Variants in CLNK observed in about 807,000 individuals in gnomAD.
CLNK encodes the protein cytokine dependent hematopoietic cell linker.
A neutral mutation model predicts 68.6 loss-of-function variants in CLNK; 74 were observed. The observed-to-expected ratio is 1.08, with a 90% CI of 0.89 to 1.31. The LOEUF (loss-of-function observed/expected upper bound fraction) is 1.31. CLNK is among the 50% of genes most tolerant of loss of function. The probability of loss-of-function intolerance (pLI) is 0.00; values close to 1 mark genes in which losing one functional copy is unlikely to be tolerated. For synonymous variants in CLNK, 198 were observed against 172.2 expected, an observed-to-expected ratio of 1.15 and a Z score of -1.17; for missense variants, 553 against 515.3, an observed-to-expected ratio of 1.07 and a Z score of -0.71.
At chr4:10,656,853 TA>T (rs1724009586) in intron 2 of CLNK, among the ~76,000 whole-genome samples, 2 of 152,120 alleles carry the variant, frequency 1.3e-5, no homozygotes, top group South Asian at 2.1e-4. Flanking sequence ...TATATGCACA[TA>T]AAAATATTAT....
At chr4:10,617,632 A>G (rs545426476) in intron 2 of CLNK, among the ~76,000 whole-genome samples, 1 of 152,350 alleles carries the variant, frequency 6.6e-6, no homozygotes, top group East Asian at 1.9e-4. Context: ...GGCTTTAGCT[A>G]GTGATCCATG....
the CLNK span, among the ~76,000 whole-genome samples, chr4:10,706,955 A>T: frequency 6.6e-6 from 1 of 152,102 alleles, no homozygotes; most frequent in African/African-American, 2.4e-5. Context: ...TTTAGGCATG[A>T]CTTTTTAGTA....
intron 2 of CLNK, among the ~76,000 whole-genome samples, chr4:10,654,370 A>G (rs1466471559): frequency 2.1e-5 from 2 of 97,540 alleles, no homozygotes; most frequent in Non-Finnish European, 5.0e-5. Context: ...ATATAGATAA[A>G]TATATATTGA....
intron 18 of CLNK, among the ~76,000 whole-genome samples, chr4:10,496,105 G>C (rs920004993): frequency 2.4e-4 from 37 of 152,164 alleles, no homozygotes; most frequent in African/African-American, 7.5e-4. Flanking sequence ...CTATGTGTCT[G>C]CCACTATTTA....
At chr4:10,555,400 A>G (rs1242261554) in intron 8 of CLNK, among the ~76,000 whole-genome samples, 1 of 152,186 alleles carries the variant, frequency 6.6e-6, no homozygotes, top group Non-Finnish European at 1.5e-5. Context: ...CTGTATTTGA[A>G]AATTATAGCT....
chr4:10,702,858 C>A, the CLNK span, among the ~76,000 whole-genome samples: 1 of 152,138 alleles, frequency 6.6e-6, no homozygotes, highest in East Asian at 1.9e-4. Context: ...ATAAGAGCTG[C>A]ACTTTCCCTT....
chr4:10,584,303 T>C (rs2108836542), intron 4 of CLNK, among the ~76,000 whole-genome samples: 1 of 152,336 alleles, frequency 6.6e-6, no homozygotes, highest in East Asian at 1.9e-4. Context: ...ATCGCTTCTT[T>C]GGTGTTTCCT....
At chr4:10,666,032 AG>A (rs1169919866) in intron 2 of CLNK, among the ~76,000 whole-genome samples, 3 of 152,196 alleles carry the variant, frequency 2.0e-5, no homozygotes, top group Admixed American at 2.0e-4. Context: ...GATGAAGAAA[AG>A]AAAATATGGC....
chr4:10,634,090 A>G (rs1722990417), intron 2 of CLNK, among the ~76,000 whole-genome samples: 1 of 152,164 alleles, frequency 6.6e-6, no homozygotes, highest in African/African-American at 2.4e-5. Flanking sequence ...CTTTGTCATC[A>G]TGTTGAAGTC....
At chr4:10,541,447 T>C (rs1037119480) in intron 10 of CLNK, among the ~76,000 whole-genome samples, 4 of 152,060 alleles carry the variant, frequency 2.6e-5, no homozygotes, top group Admixed American at 2.0e-4. Context: ...GAGAATGTAA[T>C]GCATACTATG....
At chr4:10,495,092 G>A (rs1482026281) in intron 18 of CLNK, among the ~76,000 whole-genome samples, 1 of 151,868 alleles carries the variant, frequency 6.6e-6, no homozygotes, top group Non-Finnish European at 1.5e-5. Context: ...CAGAGAAGGT[G>A]TGAAAAAAAC....
At chr4:10,593,694 G>C (rs1399777774) in intron 3 of CLNK, among the ~76,000 whole-genome samples, 1 of 152,074 alleles carries the variant, frequency 6.6e-6, no homozygotes, top group Non-Finnish European at 1.5e-5. Flanking sequence ...AACAAAAAGA[G>C]GACTCCCGTC....
chr4:10,535,729 T>C (rs1718733884), intron 11 of CLNK, among the ~76,000 whole-genome samples: 1 of 152,216 alleles, frequency 6.6e-6, no homozygotes, highest in African/African-American at 2.4e-5. Context: ...CCTTCCCTTT[T>C]ATCAGAGGTA....
the CLNK span, among the ~76,000 whole-genome samples, chr4:10,720,329 A>T: frequency 6.6e-6 from 1 of 152,136 alleles, no homozygotes; most frequent in Non-Finnish European, 1.5e-5. Context: ...AACACAAATT[A>T]CCATGACTAG....
the CLNK span, among the ~76,000 whole-genome samples, chr4:10,734,411 T>C: frequency 6.6e-6 from 1 of 152,252 alleles, no homozygotes; most frequent in Non-Finnish European, 1.5e-5. Flanking sequence ...CAGCCGAATC[T>C]TTCCCTCTTC....
chr4:10,542,030 T>C lies in CLNK; in HGVS notation c.483A>G (p.Pro161=), dbSNP rs879219187. The C allele has an allele frequency of 6.3e-7, 1 of 1,590,242 alleles. No homozygotes were observed. The highest frequency in any genetic ancestry group is 1.4e-5 in the African/African-American group (1 of 73,754). ...ATTTTAAAGTGTTTTACCGAGGAGG[T>C]GGTAAAGGAATCTGAAAAAGAAAAG... The part of the protein sequence containing the change: ...ASVRKNKIPL[P]PPRPLITLPK... The change falls in exon 10 of 19, where the codon CCA becomes CCG. Residue 161 remains proline (P), a synonymous_variant. Transcript: ENST00000226951.
At chr4:10,733,940 G>A in the CLNK span, among the ~76,000 whole-genome samples, 2 of 152,178 alleles carry the variant, frequency 1.3e-5, no homozygotes, top group African/African-American at 2.4e-5. Flanking sequence ...CTTCCTAAGA[G>A]TGCATTTTTA....
intron 3 of CLNK, among the ~76,000 whole-genome samples, chr4:10,590,974 T>G (rs1371481482): frequency 6.6e-6 from 1 of 152,214 alleles, no homozygotes; most frequent in Non-Finnish European, 1.5e-5. Flanking sequence ...ATGGATTAGC[T>G]GAGGTTAGCC....
chr4:10,651,416 GAAAC>G (rs1426194888), intron 2 of CLNK, among the ~76,000 whole-genome samples: 9 of 152,130 alleles, frequency 5.9e-5, no homozygotes, highest in African/African-American at 1.9e-4. Context: ...GATAAAGATG[GAAAC>G]AAACATTCAC....
Sources: gnomAD v4.1 joint callset for allele counts (sites outside exome capture counted in the v4.1 genomes callset) on GRCh38, gnomAD v4.1.1 for gene constraint, MANE v1.5 for transcripts, NCBI Gene and HGNC (gene_info 2026-07-23, HGNC 2026-07-21) for gene names.